The following CTNNA3 variants were observed in gnomAD, a reference collection of about 807,000 sequenced individuals.
CTNNA3 encodes the protein catenin alpha-3.
CTNNA3 carries 76 observed loss-of-function variants against 95.7 expected under a neutral mutation model. That is an observed-to-expected ratio of 0.79 (90% CI 0.66 to 0.96). The LOEUF (loss-of-function observed/expected upper bound fraction) is 0.96. CTNNA3 is among the 40% of genes least tolerant of loss of function. The probability of loss-of-function intolerance (pLI) is 0.00; values close to 1 mark genes in which losing one functional copy is unlikely to be tolerated. For missense variants in CTNNA3, 1,191 were observed against 1,089.8 expected (o/e 1.09, Z -1.31); for synonymous variants, 431 against 374.4 (o/e 1.15, Z -1.74).
At chr10:66,856,126 G>A (rs920426760) in intron 7 of CTNNA3, among the ~76,000 whole-genome samples, 1 of 151,796 alleles carries the variant, frequency 6.6e-6, no homozygotes, top group Non-Finnish European at 1.5e-5. Context: ...CATTCTGTCC[G>A]TATGTCTGTA....
chr10:66,424,148 C>A (rs1455297365), intron 11 of CTNNA3, among the ~76,000 whole-genome samples: 1 of 151,916 alleles, frequency 6.6e-6, no homozygotes, highest in Admixed American at 6.6e-5. Flanking sequence ...TTATGCACTA[C>A]TTTATTTACA....
At chr10:67,463,563 A>G (rs1486561497) in intron 5 of CTNNA3, among the ~76,000 whole-genome samples, 2 of 152,198 alleles carry the variant, frequency 1.3e-5, no homozygotes, top group Non-Finnish European at 2.9e-5. Context: ...AGCAATGCAC[A>G]TTCACCTCAA....
chr10:66,217,222 T>C (rs1314589048), intron 13 of CTNNA3, among the ~76,000 whole-genome samples: 7 of 151,842 alleles, frequency 4.6e-5, no homozygotes, highest in Admixed American at 6.6e-5. Context: ...GGCGTGGTGG[T>C]GGGTGCTTGT....
At chr10:66,070,269 T>C (rs186392605) in intron 14 of CTNNA3, among the ~76,000 whole-genome samples, 88 of 152,302 alleles carry the variant, frequency 5.8e-4, no homozygotes, top group African/African-American at 2.0e-3. Flanking sequence ...CTTTTACTAC[T>C]GCTGGCATAT....
intron 9 of CTNNA3, among the ~76,000 whole-genome samples, chr10:66,685,751 T>C (rs2132518348): frequency 6.6e-6 from 1 of 152,180 alleles, no homozygotes; most frequent in Admixed American, 6.5e-5. Context: ...TATGTATCTG[T>C]AGGCTTCTCT....
chr10:66,077,276 A>T (rs1204101505), intron 14 of CTNNA3, among the ~76,000 whole-genome samples: 4 of 151,826 alleles, frequency 2.6e-5, no homozygotes, highest in Non-Finnish European at 5.9e-5. Flanking sequence ...TCTGTATTGT[A>T]CTAGTGATTA....
intron 7 of CTNNA3, among the ~76,000 whole-genome samples, chr10:66,786,736 G>A (rs1840761405): frequency 6.6e-6 from 1 of 152,086 alleles, no homozygotes; most frequent in Non-Finnish European, 1.5e-5. Context: ...AAGCTACCTT[G>A]GAAACATCCC....
intron 5 of CTNNA3, among the ~76,000 whole-genome samples, chr10:67,356,208 T>C (rs1178680193): frequency 1.3e-5 from 2 of 152,040 alleles, no homozygotes; most frequent in African/African-American, 4.8e-5. Flanking sequence ...CTCTTTGCTG[T>C]AAATAAAAGC....
chr10:67,571,426 T>A (rs532357996), intron 3 of CTNNA3, among the ~76,000 whole-genome samples: 1 of 152,342 alleles, frequency 6.6e-6, no homozygotes, highest in East Asian at 1.9e-4. Context: ...CAAACTGTGA[T>A]CCTTGGAAAA....
At chr10:66,102,518 C>T (rs180836610) in intron 14 of CTNNA3, among the ~76,000 whole-genome samples, 1 of 152,304 alleles carries the variant, frequency 6.6e-6, no homozygotes, top group Admixed American at 6.5e-5. Flanking sequence ...AGGCACTGTG[C>T]TGTACTACGT....
intron 11 of CTNNA3, among the ~76,000 whole-genome samples, chr10:66,404,079 AT>A (rs916501761): frequency 3.3e-5 from 5 of 151,328 alleles, no homozygotes; most frequent in Admixed American, 2.0e-4. Flanking sequence ...AGAACCTCAG[AT>A]TTTTTTTTCC....
intron 7 of CTNNA3, among the ~76,000 whole-genome samples, chr10:67,086,363 T>C (rs1350390173): frequency 6.6e-6 from 1 of 152,020 alleles, no homozygotes. Flanking sequence ...TCACTTCATT[T>C]AGTTGGGAGA....
chr10:66,622,669 T>C (rs978554935), intron 9 of CTNNA3, among the ~76,000 whole-genome samples: 1 of 152,104 alleles, frequency 6.6e-6, no homozygotes, highest in Non-Finnish European at 1.5e-5. Flanking sequence ...TATCTAACAG[T>C]AATTTTTCTA....
At chr10:66,718,993 G>A (rs571234537) in intron 9 of CTNNA3, among the ~76,000 whole-genome samples, 20 of 152,226 alleles carry the variant, frequency 1.3e-4, no homozygotes, top group East Asian at 7.7e-4. Context: ...AGGTACTACC[G>A]TCTTCCATGA....
At chr10:67,099,891 G>A (rs879447733) in intron 7 of CTNNA3, 7 of 151,470 alleles carry the variant, frequency 4.6e-5, no homozygotes, top group African/African-American at 7.3e-5. Flanking sequence ...GCTTTACGTC[G>A]TTAGCAAATT....
chr10:66,966,688 CAT>C (rs1355547184), intron 7 of CTNNA3, among the ~76,000 whole-genome samples: 1 of 151,916 alleles, frequency 6.6e-6, no homozygotes. Flanking sequence ...CAAACATTAA[CAT>C]AAGAATAAAA....
At chr10:66,986,620 C>T (rs1322683715) in intron 7 of CTNNA3, among the ~76,000 whole-genome samples, 2 of 152,106 alleles carry the variant, frequency 1.3e-5, no homozygotes, top group Non-Finnish European at 2.9e-5. Flanking sequence ...CAAAATGATA[C>T]CTCATTTTAC....
chr10:67,166,393 T>G (rs906883579), intron 7 of CTNNA3, among the ~76,000 whole-genome samples: 1 of 152,208 alleles, frequency 6.6e-6, no homozygotes, highest in African/African-American at 2.4e-5. Flanking sequence ...ACTAGAATCT[T>G]TACCCTTATA....
Position 66,496,426 on chromosome 10 carries a change from C to T in CTNNA3, c.1531+24191G>A, listed in dbSNP as rs116487940. ...AAATGCTATAATCACTATCTCATTA[C>T]TAGAATAATGAAGAAAAAATATAGA... is the stretch of plus-strand genomic sequence containing the variant. On this transcript the variant is annotated intron_variant, in intron 11 of 17. Coordinates refer to ENST00000433211, the MANE Select transcript of CTNNA3 (RefSeq NM_013266.4). Among the ~76,000 whole-genome samples the T allele has an allele frequency of 9.1e-3, 1,390 of 152,154 alleles. 18 individuals carry two copies. The highest frequency in any genetic ancestry group is 0.032 in the African/African-American group (1,314 of 41,510).
Sources: allele counts gnomAD v4.1 joint callset (sites outside exome capture counted in the v4.1 genomes callset), GRCh38; gene constraint gnomAD v4.1.1; transcripts MANE v1.5; gene names NCBI Gene and HGNC (gene_info 2026-07-23, HGNC 2026-07-21).